Variants in HDAC5 observed in about 807,000 individuals in gnomAD.
HDAC5 encodes histone deacetylase 5.
HDAC5 carries 25 observed loss-of-function variants against 133.3 expected under a neutral mutation model. The observed-to-expected ratio is 0.19, with a 90% CI of 0.14 to 0.26. HDAC5 has a LOEUF of 0.26. Among genes scored for constraint, HDAC5 ranks in the 10% least tolerant of loss-of-function variants. HDAC5 has a pLI of 1.00. For missense variants in HDAC5, 1,041 were observed against 1,460.5 expected, an observed-to-expected ratio of 0.71 and a Z score of 4.68; for synonymous variants, 589 against 610.8, an observed-to-expected ratio of 0.96 and a Z score of 0.53.
intron 1 of HDAC5, among the ~76,000 whole-genome samples, chr17:44,122,216 G>A (rs906839077): frequency 6.6e-6 from 1 of 152,118 alleles, no homozygotes; most frequent in East Asian, 1.9e-4. Flanking sequence ...GGGTGCCTAG[G>A]ACTGGGGAGA....
chr17:44,087,370 G>A, intron 13 of HDAC5, 42 bp downstream of exon 13: 1 of 743,306 alleles, frequency 1.3e-6, no homozygotes, highest in East Asian at 2.5e-5. Flanking sequence ...GAGAAGGACA[G>A]AGGGGTGGTG....
At chr17:44,104,545 C>A (rs758337142) in intron 3 of HDAC5, among the ~76,000 whole-genome samples, 5 of 152,116 alleles carry the variant, frequency 3.3e-5, no homozygotes, top group African/African-American at 4.8e-5. Flanking sequence ...GTGCAGCCAG[C>A]GGCTGGGTGT....
chr17:44,098,861 A>C (rs1422261041), intron 3 of HDAC5, among the ~76,000 whole-genome samples: 1 of 151,562 alleles, frequency 6.6e-6, no homozygotes, highest in Non-Finnish European at 1.5e-5. Context: ...TGGTGGCTAT[A>C]ATCCCAGCAT....
intron 3 of HDAC5, among the ~76,000 whole-genome samples, chr17:44,105,994 C>G (rs2051913608): frequency 6.6e-6 from 1 of 152,210 alleles, no homozygotes; most frequent in African/African-American, 2.4e-5. Flanking sequence ...GCCTGAGAAT[C>G]TGCATTTTAA....
chr17:44,092,880 A>G lies in HDAC5; in HGVS notation c.642-74T>C, dbSNP rs572006297. 1.0e-5 allele frequency: 7 copies of G among 668,042 alleles called. No homozygotes were observed. In the South Asian group the frequency reaches 1.5e-4, roughly 14 times the overall value. 41.4% of individuals were successfully genotyped at this position (668,042 alleles called of 1,614,324 possible). A position where few individuals can be genotyped will look rare whatever the true frequency, so the allele number is the denominator to read the frequency against. On this transcript the variant is annotated intron_variant, in intron 6 of 26. Transcript: ENST00000682912. ...AGTCTGCTGGACCTGCCACCTGGCAATCTACATTTATGAAAAATCGTTTGT... is the reference window on the plus strand; with the variant it reads ...AGTCTGCTGGACCTGCCACCTGGCAGTCTACATTTATGAAAAATCGTTTGT...
At chr17:44,102,453 C>T (rs1460589378) in intron 3 of HDAC5, among the ~76,000 whole-genome samples, 6 of 152,156 alleles carry the variant, frequency 3.9e-5, no homozygotes, top group Admixed American at 1.3e-4. Context: ...CTCCACCTCC[C>T]GGCTTCAAGT....
chr17:44,117,576 C>T lies in HDAC5; in HGVS notation c.-61G>A, dbSNP rs2052725442. The T allele has an allele frequency of 3.8e-6, 6 of 1,582,828 alleles. No homozygotes were observed. The highest frequency in any genetic ancestry group is 3.3e-5 in the Admixed American group (2 of 59,950). ...GCTGGGACGGGAGGGGGTGGAGCTG[C>T]GGTGATGTCAAGAGAGACAGACGAT... On this transcript the variant is annotated 5_prime_UTR_variant, in exon 2 of 27. Coordinates refer to ENST00000682912, the MANE Select transcript of HDAC5 (RefSeq NM_005474.5). This position sits in a 1 kb window ranked among gnomAD's most constrained non-coding sequence, Gnocchi z 4.2.
intron 3 of HDAC5, among the ~76,000 whole-genome samples, chr17:44,100,754 AAAAT>A (rs112369450): frequency 6.6e-6 from 1 of 151,152 alleles, no homozygotes; most frequent in Non-Finnish European, 1.5e-5. Flanking sequence ...ACTCCGTCTC[AAAAT>A]AAATAAATAA....
chr17:44,098,536 C>G (rs2143388663), intron 3 of HDAC5, among the ~76,000 whole-genome samples: 1 of 152,030 alleles, frequency 6.6e-6, no homozygotes, highest in African/African-American at 2.4e-5. Context: ...GTCAGGAGTT[C>G]AAGACCAGCC....
chr17:44,092,813 T>TGGGGGGGGGGGCCCCGGGGGGG lies in HDAC5; in HGVS notation c.642-8_642-7insCCCCCCCGGGGCCCCCCCCCCC. On this transcript the variant is annotated splice_region_variant and splice_polypyrimidine_tract_variant and intron_variant, in intron 6 of 26. Coordinates refer to ENST00000682912, the MANE Select transcript of HDAC5 (RefSeq NM_005474.5). ...AGAAGCATGGTGGGCTCCCCTGGGGTGGGGGGGGGGTGGGGATGGAAGCAG... is the reference window on the plus strand; with the variant it reads ...AGAAGCATGGTGGGCTCCCCTGGGGTGGGGGGGGGGGCCCCGGGGGGGGGGGGGGGGGTGGGGATGGAAGCAG... The TGGGGGGGGGGGCCCCGGGGGGG allele has an allele frequency of 4.9e-6, 2 of 407,420 alleles. No individual in the cohort carries two copies. Among genetic ancestry groups the TGGGGGGGGGGGCCCCGGGGGGG allele is most frequent in the African/African-American group, 2.7e-5 (1 of 37,532 alleles). 25.2% of individuals were successfully genotyped at this position (407,420 alleles called of 1,614,324 possible).
chr17:44,118,780 C>G (rs1016760909), intron 1 of HDAC5, among the ~76,000 whole-genome samples: 33 of 152,162 alleles, frequency 2.2e-4, no homozygotes. Flanking sequence ...AGGCTGTGAG[C>G]TGCTGCGAGT....
chr17:44,106,632 C>T (rs1238422138), intron 3 of HDAC5, among the ~76,000 whole-genome samples: 2 of 151,890 alleles, frequency 1.3e-5, no homozygotes, highest in Non-Finnish European at 2.9e-5. Flanking sequence ...CTCTTGTTGC[C>T]CAGGCTGGAG....
At chr17:44,079,102 G>A in intron 24 of HDAC5, 42 bp downstream of exon 24, 2 of 1,596,020 alleles carry the variant, frequency 1.3e-6, no homozygotes, top group South Asian at 1.1e-5. Flanking sequence ...TGGCCCCTCA[G>A]ACCTCTGGCC....
intron 11 of HDAC5, among the ~76,000 whole-genome samples, chr17:44,090,716 C>T (rs1410865617): frequency 1.3e-5 from 2 of 150,976 alleles, no homozygotes; most frequent in Non-Finnish European, 3.0e-5. Context: ...GAGACGGAGT[C>T]TCACGCTCTG....
chr17:44,116,746 AAC>A (rs1333468424), intron 2 of HDAC5, among the ~76,000 whole-genome samples: 11 of 152,086 alleles, frequency 7.2e-5, no homozygotes, highest in African/African-American at 2.7e-4. Flanking sequence ...AGGCCACTAG[AAC>A]ACAGCCTCAC....
intron 20 of HDAC5, among the ~76,000 whole-genome samples, chr17:44,081,177 G>A (rs986269637): frequency 6.6e-6 from 1 of 152,152 alleles, no homozygotes; most frequent in Non-Finnish European, 1.5e-5. Context: ...TCTCCCTACA[G>A]AACCCATTCC....
At chr17:44,119,676 G>A (rs1270908899) in intron 1 of HDAC5, among the ~76,000 whole-genome samples, 1 of 152,226 alleles carries the variant, frequency 6.6e-6, no homozygotes, top group Non-Finnish European at 1.5e-5. Context: ...GTGAACCAGA[G>A]CCACAGGCTG....
intron 2 of HDAC5, among the ~76,000 whole-genome samples, chr17:44,115,691 C>A (rs2052604248): frequency 6.6e-6 from 1 of 152,216 alleles, no homozygotes; most frequent in African/African-American, 2.4e-5. Flanking sequence ...AGCAGTGGCC[C>A]CAGTTCCAAA....
chr17:44,090,437 C>T (rs975075113), intron 11 of HDAC5, among the ~76,000 whole-genome samples: 3 of 151,910 alleles, frequency 2.0e-5, no homozygotes, highest in Admixed American at 6.6e-5. Context: ...TGCAATGGAG[C>T]GATCTCGGCT....
Sources: allele counts gnomAD v4.1 joint callset (sites outside exome capture counted in the v4.1 genomes callset), GRCh38; gene constraint gnomAD v4.1.1; non-coding constraint Gnocchi (gnomAD v3.1); transcripts MANE v1.5; gene names NCBI Gene and HGNC (gene_info 2026-07-23, HGNC 2026-07-21).